TG: variants seen among roughly 807,000 people sequenced by gnomAD.
TG encodes the protein thyroglobulin, also known as thyroid hormones.
In TG, 270 loss-of-function variants were observed where a neutral mutation model predicts 324.7. The observed-to-expected ratio is 0.83, with a 90% CI of 0.75 to 0.92. TG has a LOEUF of 0.92. Ranked by LOEUF, TG falls within the 40% of genes least tolerant of loss-of-function variation. The pLI, the probability that TG is intolerant of heterozygous loss-of-function variation, is 0.00. For synonymous variants in TG, 1,401 were observed against 1,327.0 expected, an observed-to-expected ratio of 1.06 and a Z score of -1.21; for missense variants, 3,591 against 3,456.4, an observed-to-expected ratio of 1.04 and a Z score of -0.98.
At chr8:133,050,682 T>G in intron 41 of TG, 2 of 642,602 alleles carry the variant, frequency 3.1e-6, no homozygotes, top group South Asian at 1.8e-5. Context: ...GCAGTATGGG[T>G]CAAATTTCTC....
chr8:132,871,740 A>G (rs115453980), intron 4 of TG, among the ~76,000 whole-genome samples, 189 bp downstream of exon 4: 4,653 of 152,318 alleles, frequency 0.031, 172 homozygotes, highest in East Asian at 0.087. Context: ...AGCCATATTC[A>G]CTGGCTGATC....
At chr8:133,093,927 G>T (rs780098552) in intron 41 of TG, among the ~76,000 whole-genome samples, 2 of 152,212 alleles carry the variant, frequency 1.3e-5, no homozygotes, top group Non-Finnish European at 2.9e-5. Flanking sequence ...GAGTGAGTTT[G>T]TCGGAGCCCT....
intron 6 of TG, among the ~76,000 whole-genome samples, 168 bp downstream of exon 6, chr8:132,882,137 A>G (rs1814729469): frequency 6.6e-6 from 1 of 152,264 alleles, no homozygotes; most frequent in Admixed American, 6.5e-5. Context: ...ATCTTGCAGT[A>G]TGGTGAATGC....
intron 35 of TG, among the ~76,000 whole-genome samples, chr8:132,991,831 A>G (rs969576127): frequency 6.6e-6 from 1 of 152,122 alleles, no homozygotes; most frequent in Non-Finnish European, 1.5e-5. Flanking sequence ...TGGTCTGGGC[A>G]CAGCCTCACA....
intron 14 of TG, 71 bp from the exon 15 acceptor site, chr8:132,900,166 T>A: frequency 7.4e-7 from 1 of 1,348,508 alleles, no homozygotes; most frequent in South Asian, 1.2e-5. Context: ...ACTTTTGACA[T>A]CTGCCAGCAG....
intron 39 of TG, among the ~76,000 whole-genome samples, chr8:133,019,945 CT>C (rs1477594275): frequency 6.6e-6 from 1 of 152,156 alleles, no homozygotes; most frequent in African/African-American, 2.4e-5. Flanking sequence ...AGGAAGAAGA[CT>C]GTGGACGTGG....
intron 27 of TG, among the ~76,000 whole-genome samples, chr8:132,960,482 A>G (rs181480721): frequency 5.0e-4 from 76 of 152,344 alleles, no homozygotes; most frequent in Admixed American, 8.5e-4. Flanking sequence ...GATCCAGGGG[A>G]GAACAGTTTG....
In TG at chr8:133,134,681, G is replaced by T. The variant is rs1054097801; in HGVS notation, c.8194G>T (p.Ala2732Ser). ...ISSLKTSADG[A>S]KGGQSAESEE... ...TCCTTGCCCCTCTGTTTCAGATGGA[G>T]CCAAGGGCGGGCAGTCAGCAGAGAG... The change falls in exon 48 of 48, where the codon GCC (alanine) becomes TCC (serine). Residue 2732 changes from alanine (A) to serine (S), a missense_variant. Physicochemically the swap from Ala to Ser is moderately conservative, Grantham distance 99. Transcript: ENST00000220616. The T allele has an allele frequency of 5.0e-6, 8 of 1,613,956 alleles. No homozygotes were observed. The highest frequency in any genetic ancestry group is 1.3e-5 in the African/African-American group (1 of 75,016).
chr8:133,058,817 G>A (rs923474943), intron 41 of TG, among the ~76,000 whole-genome samples: 3 of 152,174 alleles, frequency 2.0e-5, no homozygotes, highest in African/African-American at 4.8e-5. Context: ...TTGGTCCTGG[G>A]GAATATTCTT....
intron 41 of TG, among the ~76,000 whole-genome samples, chr8:133,030,411 G>A (rs571295637): frequency 1.3e-5 from 2 of 152,328 alleles, no homozygotes; most frequent in South Asian, 4.1e-4. Context: ...TGATGATGGT[G>A]ATGAGGAGGA....
At chr8:132,879,800 T>TG (rs1814394944) in intron 5 of TG, among the ~76,000 whole-genome samples, 3 of 152,160 alleles carry the variant, frequency 2.0e-5, no homozygotes, top group Admixed American at 2.0e-4. Context: ...GTCCAGGTAC[T>TG]GGGCAGTTTA....
intron 35 of TG, among the ~76,000 whole-genome samples, chr8:132,998,393 G>T (rs962862244): frequency 6.6e-6 from 1 of 152,218 alleles, no homozygotes; most frequent in African/African-American, 2.4e-5. Context: ...CCGGGGGTCA[G>T]TTGAAGCTGA....
chr8:133,101,069 T>G (rs754366116), intron 43 of TG, among the ~76,000 whole-genome samples: 46 of 152,084 alleles, frequency 3.0e-4, no homozygotes, highest in Non-Finnish European at 5.7e-4. Flanking sequence ...TGACCCCAAT[T>G]GCAGGGCAGG....
chr8:133,034,594 A>G (rs10094088), intron 41 of TG, among the ~76,000 whole-genome samples: 33,203 of 152,016 alleles, frequency 0.22, 4,187 homozygotes, highest in African/African-American at 0.34. Context: ...AAAATGCTCA[A>G]TTGATATAAG....
In TG at chr8:133,096,231, A is replaced by G. The variant is rs761179947; in HGVS notation, c.7430A>G (p.His2477Arg). The G allele has an allele frequency of 6.2e-7, 1 of 1,614,058 alleles. No individual in the cohort carries two copies. The highest frequency in any genetic ancestry group is 8.5e-7 in the Non-Finnish European group (1 of 1,180,016). The change falls in exon 43 of 48, where the codon CAC (histidine) becomes CGC (arginine). Residue 2477 changes from histidine to arginine, a missense_variant. Transcript: ENST00000220616. ...CTCCTGGCCGTGAGTGGCCCTTTCC[A>G]CTACTGGGGTCCTGTGATCGATGGC... ...TKLLAVSGPF[H>R]YWGPVIDGHF...
chr8:133,089,285 G>A (rs1847119818), intron 41 of TG, among the ~76,000 whole-genome samples: 1 of 152,148 alleles, frequency 6.6e-6, no homozygotes, highest in Non-Finnish European at 1.5e-5. Flanking sequence ...GCTGGGCTTT[G>A]GGGATAGAGG....
At chr8:132,945,132 C>A (rs868645260) in intron 26 of TG, among the ~76,000 whole-genome samples, 5 of 152,152 alleles carry the variant, frequency 3.3e-5, no homozygotes, top group Non-Finnish European at 7.4e-5. Flanking sequence ...TTGACGTGAG[C>A]GCTTGTCATG....
intron 41 of TG, chr8:133,047,774 G>A (rs746830643): frequency 2.0e-6 from 2 of 977,450 alleles, no homozygotes; most frequent in East Asian, 4.8e-5. Context: ...AGTCAGCCAG[G>A]AGCAAAACAT....
intron 11 of TG, among the ~76,000 whole-genome samples, chr8:132,894,563 A>G (rs1181059208): frequency 1.3e-5 from 2 of 152,026 alleles, no homozygotes; most frequent in African/African-American, 4.8e-5. Context: ...GGCTCAAGCA[A>G]TCCTCCCACC....
Sources: allele counts gnomAD v4.1 joint callset (sites outside exome capture counted in the v4.1 genomes callset), GRCh38; gene constraint gnomAD v4.1.1; transcripts MANE v1.5; gene names NCBI Gene and HGNC (gene_info 2026-07-23, HGNC 2026-07-21).